The following GAS2 variants were observed in gnomAD, a reference collection of about 807,000 sequenced individuals.
GAS2 encodes growth arrest specific 2.
A neutral mutation model predicts 37.5 loss-of-function variants in GAS2; 20 were observed. The ratio of observed to expected loss-of-function variants is 0.53; its 90% CI spans 0.37 to 0.77. The LOEUF is 0.77. Among genes scored for constraint, GAS2 ranks in the 30% least tolerant of loss-of-function variants. The pLI is 0.00. For synonymous variants in GAS2, 144 were observed against 132.2 expected (o/e 1.09, Z -0.61); for missense variants, 336 against 373.4 (o/e 0.90, Z 0.82).
Position 22,726,312 on chromosome 11 carries a change from C to A in GAS2, c.288C>A (p.Ile96=), listed in dbSNP as rs780615369. The A allele has an allele frequency of 6.2e-7, 1 of 1,604,968 alleles. No homozygotes were observed. The highest frequency in any genetic ancestry group is 8.5e-7 in the Non-Finnish European group (1 of 1,177,762). ...TTCAGAATCTACCGTTGAAGAAGATCCCATGCAAAACCAGTGCACCCTCGG... is the reference window on the plus strand; with the variant it reads ...TTCAGAATCTACCGTTGAAGAAGATACCATGCAAAACCAGTGCACCCTCGG... ...KPTKNLPLKK[I]PCKTSAPSGS... Residue 96 remains isoleucine, a synonymous_variant, in exon 4 of 8, where the codon ATC becomes ATA. Coordinates refer to ENST00000454584, the MANE Select transcript of GAS2 (RefSeq NM_001143830.3).
At chr11:22,722,472 A>G (rs1459750864) in intron 3 of GAS2, among the ~76,000 whole-genome samples, 2 of 151,928 alleles carry the variant, frequency 1.3e-5, no homozygotes, top group Non-Finnish European at 2.9e-5. Flanking sequence ...TACACTATGG[A>G]CACTGTTGTA....
intron 5 of GAS2, 84 bp from the exon 6 acceptor site, chr11:22,749,036 C>A (rs1853572645): frequency 7.9e-7 from 1 of 1,269,674 alleles, no homozygotes; most frequent in Non-Finnish European, 1.1e-6. Context: ...GATTTACTCC[C>A]ATGGTGCTCA....
intron 7 of GAS2, among the ~76,000 whole-genome samples, chr11:22,780,557 CAAAA>C (rs34289288): frequency 1.1e-5 from 1 of 90,332 alleles, no homozygotes. Context: ...GACTCTGTCT[CAAAA>C]AAAAAAAAAA....
chr11:22,712,760 C>T (rs903828804), intron 3 of GAS2, among the ~76,000 whole-genome samples: 2 of 151,910 alleles, frequency 1.3e-5, no homozygotes, highest in Non-Finnish European at 2.9e-5. Flanking sequence ...AAGGTGGCAC[C>T]AGAGAAGGAT....
intron 7 of GAS2, among the ~76,000 whole-genome samples, chr11:22,781,398 C>A (rs1258223419): frequency 2.0e-5 from 3 of 152,212 alleles, no homozygotes; most frequent in African/African-American, 7.2e-5. Flanking sequence ...GCCTCTGCTA[C>A]TGAAGCAGGT....
upstream of GAS2, among the ~76,000 whole-genome samples, chr11:22,661,890 T>G (rs1848921214): frequency 6.6e-6 from 1 of 152,194 alleles, no homozygotes; most frequent in Non-Finnish European, 1.5e-5. Context: ...ATAAAACAAA[T>G]TTAGCAGCTC....
chr11:22,652,427 C>T (rs1848790136), intron 1 of GAS2, among the ~76,000 whole-genome samples: 1 of 152,216 alleles, frequency 6.6e-6, no homozygotes, highest in Non-Finnish European at 1.5e-5. Flanking sequence ...GGCAGGCCTC[C>T]TTGAGCTGTG....
intron 7 of GAS2, among the ~76,000 whole-genome samples, chr11:22,769,236 A>G (rs1180370732): frequency 1.3e-5 from 2 of 152,112 alleles, no homozygotes; most frequent in African/African-American, 2.4e-5. Context: ...AACACCTTAT[A>G]CCTCCTACTA....
rs114174955 is a variant in GAS2, at chr11:22,726,149, T to C, written c.268-143T>C. ...TTACTGCCAGGTTAATTGCATAGCATTATATTTCCTTTCTAGGGTTCTTTG... is the reference window on the plus strand; with the variant it reads ...TTACTGCCAGGTTAATTGCATAGCACTATATTTCCTTTCTAGGGTTCTTTG... On this transcript the variant is annotated intron_variant, in intron 3 of 7. Transcript: ENST00000454584. 1,569 of 726,492 alleles carry C rather than the reference T, an allele frequency of 2.2e-3. 26 individuals carry two copies. In the African/African-American group the frequency reaches 0.025, roughly 12 times the overall value. 45.0% of individuals were successfully genotyped at this position (726,492 alleles called of 1,614,324 possible). A position where few individuals can be genotyped will look rare whatever the true frequency, so the allele number is the denominator to read the frequency against.
intron 7 of GAS2, among the ~76,000 whole-genome samples, chr11:22,808,291 T>G (rs547468600): frequency 2.0e-4 from 31 of 152,336 alleles, no homozygotes; most frequent in African/African-American, 7.2e-4. Context: ...ATTAGACTCC[T>G]CTTACAAAGG....
At position 22,794,342 on chromosome 11, in the gene GAS2, T is replaced by C. The variant is rs534950583; in HGVS notation, c.724-17456T>C. On this transcript the variant is annotated intron_variant, in intron 7 of 7. Transcript: ENST00000454584. ...TCCACTCTTATTTTCCCTCCCTAGT[T>C]CTCCCCAGAGGCAGCTGTTATCACT... Among the ~76,000 whole-genome samples, 10 of 152,236 alleles carry C rather than the reference T, an allele frequency of 6.6e-5. No individual in the cohort carries two copies. The South Asian group carries it at 1.7e-3, about 25-fold the overall frequency.
At chr11:22,642,787 A>G (rs1848644866) in intron 1 of GAS2, among the ~76,000 whole-genome samples, 2 of 152,202 alleles carry the variant, frequency 1.3e-5, no homozygotes. Flanking sequence ...CTAAATTATC[A>G]GTATGTTTTA....
intron 5 of GAS2, among the ~76,000 whole-genome samples, chr11:22,745,046 A>T (rs1853304400): frequency 6.7e-6 from 1 of 150,032 alleles, no homozygotes; most frequent in African/African-American, 2.4e-5. Context: ...TAAATTCCAC[A>T]CCATTTCTAT....
intron 2 of GAS2, among the ~76,000 whole-genome samples, chr11:22,679,558 A>G (rs891996961): frequency 6.6e-6 from 1 of 152,086 alleles, no homozygotes; most frequent in African/African-American, 2.4e-5. Context: ...ATAATTATTG[A>G]TGGACTTTTT....
chr11:22,787,918 A>G (rs61892172), intron 7 of GAS2, among the ~76,000 whole-genome samples: 20,687 of 152,220 alleles, frequency 0.14, 1,630 homozygotes, highest in Non-Finnish European at 0.17. Context: ...ATTGGTTCGC[A>G]TTTCTTTTTA....
At chr11:22,633,434 C>G (rs1858772699) in intron 1 of GAS2, among the ~76,000 whole-genome samples, 1 of 152,132 alleles carries the variant, frequency 6.6e-6, no homozygotes, top group African/African-American at 2.4e-5. Context: ...CCTATGGGGC[C>G]AGAATGACAA....
chr11:22,772,263 T>G (rs1499242), intron 7 of GAS2, among the ~76,000 whole-genome samples: 39,405 of 151,992 alleles, frequency 0.26, 5,347 homozygotes, highest in East Asian at 0.36. Flanking sequence ...GAACCCCTCT[T>G]CCTGGCTGGT....
chr11:22,688,242 T>C (rs1008890745), intron 3 of GAS2: 1 of 152,206 alleles, frequency 6.6e-6, no homozygotes, highest in African/African-American at 2.4e-5. Context: ...TTGCACAAAA[T>C]AGGGCTCTTG....
chr11:22,697,911 C>G (rs530084770), intron 3 of GAS2, among the ~76,000 whole-genome samples: 2 of 152,302 alleles, frequency 1.3e-5, no homozygotes, highest in African/African-American at 4.8e-5. Flanking sequence ...TTGACTTCCT[C>G]TTTTCCTAAT....
Sources: allele counts gnomAD v4.1 joint callset (sites outside exome capture counted in the v4.1 genomes callset), GRCh38; gene constraint gnomAD v4.1.1; transcripts MANE v1.5; gene names NCBI Gene and HGNC (gene_info 2026-07-23, HGNC 2026-07-21).